Variants in PSMG4 observed in about 807,000 individuals in gnomAD.
PSMG4 encodes the protein proteasome (prosome, macropain) assembly chaperone 4.
Under a neutral mutation model 11.0 loss-of-function variants are expected in PSMG4, and 10 were observed. That is an observed-to-expected ratio of 0.91 (90% confidence interval 0.56 to 1.54). PSMG4 has a LOEUF of 1.54. Among genes scored for constraint, PSMG4 ranks in the 40% most tolerant of loss-of-function variants. PSMG4 has a pLI of 0.00. For synonymous variants in PSMG4, 95 were observed against 71.3 expected (o/e 1.33, Z -1.68); for missense variants, 198 against 160.9 (o/e 1.23, Z -1.25).
At chr6:3,260,291 A>ATTTTTTTTTTTTTTTTTT (rs869076629) in intron 1 of PSMG4, among the ~76,000 whole-genome samples, 10 of 70,842 alleles carry the variant, frequency 1.4e-4, no homozygotes, top group Admixed American at 2.1e-4. Context: ...ATATATATAT[A>ATTTTTTTTTTTTTTTTTT]TTTTTTTTTT....
At chr6:3,257,663 T>C (rs891198740), upstream of PSMG4, among the ~76,000 whole-genome samples, 7 of 152,194 alleles carry the variant, frequency 4.6e-5, no homozygotes, top group African/African-American at 1.7e-4. Flanking sequence ...TACTGTGTGA[T>C]TCCACTGATA....
intron 1 of PSMG4, among the ~76,000 whole-genome samples, chr6:3,260,289 A>ATTTTT (rs1264357024): frequency 2.6e-4 from 8 of 31,072 alleles, no homozygotes; most frequent in Non-Finnish European, 4.0e-4. Flanking sequence ...ATATATATAT[A>ATTTTT]TATTTTTTTT....
In PSMG4 at chr6:3,259,004, CCGGGAGCCGTGGGG is replaced by C. The variant is rs759950024; in HGVS notation, c.-15_-2del. ...GAGGACCCGGGTCTGGCGCTGTGGG[CCGGGAGCCGTGGGG>C]CGGCATGGAGGGGCTGGTTGTCGCC... is the stretch of plus-strand genomic sequence containing the variant. On this transcript the variant is annotated 5_prime_UTR_variant, in exon 1 of 3. Coordinates refer to ENST00000438998, the MANE Select transcript of PSMG4 (RefSeq NM_001128591.2). 223 of 1,241,778 alleles carry C rather than the reference CCGGGAGCCGTGGGG, an allele frequency of 1.8e-4. No homozygotes were observed. Among genetic ancestry groups the C allele is most frequent in the Non-Finnish European group, 2.1e-4 (212 of 992,384 alleles). The allele number at this position is 1,241,778 out of a possible 1,614,324, so 76.9% of individuals were successfully genotyped here.
chr6:3,254,546 C>G (rs151196495), upstream of PSMG4, among the ~76,000 whole-genome samples: 7 of 151,874 alleles, frequency 4.6e-5, no homozygotes, highest in Non-Finnish European at 1.5e-5. Flanking sequence ...GGAAGGTGTG[C>G]AGATTTGTTC....
upstream of PSMG4, among the ~76,000 whole-genome samples, chr6:3,254,562 G>C (rs1757673497): frequency 6.6e-6 from 1 of 152,282 alleles, no homozygotes; most frequent in Non-Finnish European, 1.5e-5. Flanking sequence ...TGTTCTCGGG[G>C]TTTGTGAGGC....
At chr6:3,267,409 G>T in intron 2 of PSMG4, 182 bp from the exon 3 acceptor site, 1 of 541,554 alleles carries the variant, frequency 1.8e-6, no homozygotes, top group African/African-American at 1.9e-5. Flanking sequence ...GACTGGGAGA[G>T]GCCTGAGTGA....
intron 2 of PSMG4, chr6:3,265,213 CAAG>C (rs1029241635): frequency 4.8e-4 from 73 of 152,154 alleles, no homozygotes; most frequent in Non-Finnish European, 6.0e-4. Context: ...GAGCTCGGAC[CAAG>C]AAGGTTTTCC....
upstream of PSMG4, among the ~76,000 whole-genome samples, chr6:3,257,339 G>GGA (rs745430829): frequency 2.0e-5 from 3 of 152,226 alleles, no homozygotes; most frequent in Middle Eastern, 3.4e-3. Context: ...CAGCAAAGCT[G>GGA]GAGAGAGAGA....
intron 2 of PSMG4, 119 bp downstream of exon 2, chr6:3,263,878 G>T: frequency 6.8e-7 from 1 of 1,470,506 alleles, no homozygotes. Flanking sequence ...TCACCTCATT[G>T]CTGCTGGGAA....
At chr6:3,256,161 C>T (rs1041914512), upstream of PSMG4, among the ~76,000 whole-genome samples, 1 of 152,180 alleles carries the variant, frequency 6.6e-6, no homozygotes, top group Admixed American at 6.5e-5. Flanking sequence ...TTTTGACATG[C>T]TTGCTTGGCT....
At chr6:3,255,964 C>T (rs962671583), upstream of PSMG4, among the ~76,000 whole-genome samples, 2 of 152,216 alleles carry the variant, frequency 1.3e-5, no homozygotes, top group African/African-American at 4.8e-5. Context: ...ACCACTCTAG[C>T]AAAGATTCCA....
intron 1 of PSMG4, among the ~76,000 whole-genome samples, chr6:3,261,928 C>T (rs1055350056): frequency 2.0e-5 from 3 of 152,212 alleles, no homozygotes; most frequent in African/African-American, 7.2e-5. Context: ...GGAATTTTGC[C>T]AGCCCACACG....
intron 2 of PSMG4, chr6:3,264,190 T>G: frequency 1.3e-6 from 2 of 1,551,272 alleles, no homozygotes; most frequent in Non-Finnish European, 1.7e-6. Context: ...CTGTCCTCAC[T>G]CAGTGTGATA....
chr6:3,257,854 T>C (rs145823780), upstream of PSMG4, among the ~76,000 whole-genome samples: 3 of 152,362 alleles, frequency 2.0e-5, no homozygotes, highest in East Asian at 5.8e-4. Flanking sequence ...TGTGCAGTTA[T>C]TGTATGTTAA....
At chr6:3,264,573 G>A in intron 2 of PSMG4, 2 of 586,242 alleles carry the variant, frequency 3.4e-6, no homozygotes, top group Non-Finnish European at 5.5e-6. Flanking sequence ...GCAGGGTGGA[G>A]TGTCACCAGC....
intron 1 of PSMG4, among the ~76,000 whole-genome samples, chr6:3,261,540 C>T (rs886745350): frequency 2.6e-5 from 4 of 152,180 alleles, no homozygotes; most frequent in Non-Finnish European, 5.9e-5. Context: ...GGTATATTTT[C>T]TCATCTGGAA....
chr6:3,263,014 T>A (rs1359494554), intron 1 of PSMG4, among the ~76,000 whole-genome samples: 1 of 152,194 alleles, frequency 6.6e-6, no homozygotes, highest in Non-Finnish European at 1.5e-5. Flanking sequence ...TGGGAGCAGT[T>A]ACTCCCACAT....
chr6:3,255,239 C>T (rs1471601939), upstream of PSMG4: 17 of 1,549,104 alleles, frequency 1.1e-5, no homozygotes, highest in African/African-American at 6.8e-5. Flanking sequence ...GGTAAGCCTT[C>T]CATGCTGTTG....
At chr6:3,255,111 A>G (rs374481735), upstream of PSMG4, 37 of 1,550,984 alleles carry the variant, frequency 2.4e-5, no homozygotes, top group South Asian at 8.3e-5. Context: ...GGAGCACAAC[A>G]TCACCAGCTT....
Sources: gnomAD v4.1 joint callset for allele counts (sites outside exome capture counted in the v4.1 genomes callset) on GRCh38, gnomAD v4.1.1 for gene constraint, MANE v1.5 for transcripts, NCBI Gene and HGNC (gene_info 2026-07-23, HGNC 2026-07-21) for gene names.